Variants in SLC8A1 observed in about 807,000 individuals in gnomAD.
SLC8A1 encodes solute carrier family 8 member A1, also known as sodium/calcium exchanger 1.
Under a neutral mutation model 68.3 loss-of-function variants are expected in SLC8A1, and 18 were observed. That is an observed-to-expected ratio of 0.26 (90% CI 0.18 to 0.39). SLC8A1 has a LOEUF of 0.39. Ranked by LOEUF, SLC8A1 falls within the 10% of genes least tolerant of loss-of-function variation. The probability of loss-of-function intolerance (pLI) is 1.00; values close to 1 mark genes in which losing one functional copy is unlikely to be tolerated. For synonymous variants in SLC8A1, 475 were observed against 415.5 expected (o/e 1.14, Z -1.74); for missense variants, 985 against 1,156.7 (o/e 0.85, Z 2.15).
intron 1 of SLC8A1, among the ~76,000 whole-genome samples, chr2:40,499,419 A>G (rs183889770): frequency 2.7e-4 from 41 of 152,256 alleles, no homozygotes; most frequent in Admixed American, 3.9e-4. Context: ...AATCACTGAG[A>G]AAAGTGTCTG....
intron 2 of SLC8A1, among the ~76,000 whole-genome samples, chr2:40,187,915 A>T (rs544830726): frequency 6.6e-6 from 1 of 152,268 alleles, no homozygotes; most frequent in East Asian, 1.9e-4. Context: ...GATATATAAA[A>T]TGTATACCTT....
At chr2:40,301,304 T>A in intron 2 of SLC8A1, among the ~76,000 whole-genome samples, 1 of 152,234 alleles carries the variant, frequency 6.6e-6, no homozygotes, top group Non-Finnish European at 1.5e-5. Flanking sequence ...GTTGAAGTTG[T>A]GATAACTTGT....
chr2:40,428,620 C>T, exon 2 of SLC8A1: 4 of 1,613,870 alleles, frequency 2.5e-6, no homozygotes, highest in South Asian at 1.1e-5. Flanking sequence ...CTCCATGATG[C>T]CAATGCTCTC....
intron 2 of SLC8A1, among the ~76,000 whole-genome samples, chr2:40,312,957 CATATGT>C (rs2073932475): frequency 6.6e-6 from 1 of 152,024 alleles, no homozygotes; most frequent in African/African-American, 2.4e-5. Context: ...TACATACACA[CATATGT>C]ATATGTGTGT....
chr2:40,298,090 C>T (rs1250610135), intron 2 of SLC8A1, among the ~76,000 whole-genome samples: 3 of 152,040 alleles, frequency 2.0e-5, no homozygotes, highest in Non-Finnish European at 4.4e-5. Flanking sequence ...CCATCTTGGC[C>T]AGGCTGGTCT....
chr2:40,384,236 G>A (rs1682856084), intron 2 of SLC8A1, among the ~76,000 whole-genome samples: 2 of 152,056 alleles, frequency 1.3e-5, no homozygotes, highest in Non-Finnish European at 2.9e-5. Context: ...TAGTCTGGGA[G>A]ACCGAGCAAG....
chr2:40,349,366 G>T (rs76713328), intron 2 of SLC8A1, among the ~76,000 whole-genome samples: 2 of 152,148 alleles, frequency 1.3e-5, no homozygotes, highest in Non-Finnish European at 2.9e-5. Context: ...CAAGGAAAAG[G>T]AATGATTTAA....
At chr2:40,324,811 AG>A (rs2075628122) in intron 2 of SLC8A1, among the ~76,000 whole-genome samples, 1 of 152,152 alleles carries the variant, frequency 6.6e-6, no homozygotes, top group Non-Finnish European at 1.5e-5. Flanking sequence ...TGGTTGAACT[AG>A]AAATGTCGCA....
At chr2:40,312,168 A>G (rs895697760) in intron 2 of SLC8A1, among the ~76,000 whole-genome samples, 2 of 152,150 alleles carry the variant, frequency 1.3e-5, no homozygotes, top group Non-Finnish European at 2.9e-5. Context: ...TTACAGGAAC[A>G]TCACCTCAAT....
intron 1 of SLC8A1, among the ~76,000 whole-genome samples, chr2:40,479,072 T>G (rs1254644292): frequency 6.6e-6 from 1 of 152,148 alleles, no homozygotes; most frequent in Non-Finnish European, 1.5e-5. Flanking sequence ...ACGCCCGGCC[T>G]CAACCACCTA....
At chr2:40,464,086 G>T (rs139267040) in intron 1 of SLC8A1, among the ~76,000 whole-genome samples, 1,643 of 152,018 alleles carry the variant, frequency 0.011, 37 homozygotes, top group African/African-American at 0.037. Context: ...GTAGAGACGG[G>T]GTTTCACCAT....
intron 1 of SLC8A1, among the ~76,000 whole-genome samples, chr2:40,451,101 C>A (rs1162371793): frequency 6.6e-6 from 1 of 152,192 alleles, no homozygotes; most frequent in African/African-American, 2.4e-5. Flanking sequence ...AGCTATAAGA[C>A]CGCCCTCTTC....
chr2:40,472,756 T>G (rs1038367569), intron 1 of SLC8A1, among the ~76,000 whole-genome samples: 2 of 152,206 alleles, frequency 1.3e-5, no homozygotes, highest in African/African-American at 4.8e-5. Context: ...TCTGTCCTCA[T>G]GGAGTTAACA....
intron 2 of SLC8A1, among the ~76,000 whole-genome samples, chr2:40,394,567 G>A (rs1218164878): frequency 6.6e-6 from 1 of 151,922 alleles, no homozygotes; most frequent in Non-Finnish European, 1.5e-5. Flanking sequence ...ATTATACAGA[G>A]CATATAGTGG....
chr2:40,114,834 T>G (rs1041970901), exon 8 of SLC8A1: 1 of 152,574 alleles, frequency 6.6e-6, no homozygotes, highest in Non-Finnish European at 1.5e-5. Flanking sequence ...CCCATTTACA[T>G]TTGGATGGTT....
chr2:40,359,250 C>T (rs1008981431), intron 2 of SLC8A1, among the ~76,000 whole-genome samples: 18 of 152,098 alleles, frequency 1.2e-4, no homozygotes, highest in Admixed American at 7.2e-4. Flanking sequence ...ACATCGATTA[C>T]ATACTGAAAT....
chr2:40,117,400 A>G (rs1361329149), intron 7 of SLC8A1, among the ~76,000 whole-genome samples: 18 of 146,788 alleles, frequency 1.2e-4, no homozygotes, highest in African/African-American at 4.0e-4. Context: ...TACAAAAAAA[A>G]AAAAAAAAAA....
At chr2:40,201,783 T>C (rs2054414612) in intron 2 of SLC8A1, among the ~76,000 whole-genome samples, 1 of 151,892 alleles carries the variant, frequency 6.6e-6, no homozygotes, top group Admixed American at 6.6e-5. Flanking sequence ...GTCCCCAAAC[T>C]TACCATCAAG....
At chr2:40,356,250 C>A (rs772185095) in intron 2 of SLC8A1, among the ~76,000 whole-genome samples, 1 of 152,140 alleles carries the variant, frequency 6.6e-6, no homozygotes, top group South Asian at 2.1e-4. Flanking sequence ...AGTGTGAAGA[C>A]TAATTCCTTA....
Sources: allele counts gnomAD v4.1 joint callset (sites outside exome capture counted in the v4.1 genomes callset), GRCh38; gene constraint gnomAD v4.1.1; transcripts MANE v1.5; gene names NCBI Gene and HGNC (gene_info 2026-07-23, HGNC 2026-07-21).